Variants in TBC1D5 observed in about 807,000 individuals in gnomAD.
TBC1D5 encodes TBC1 domain family, member 5.
In TBC1D5, 75 loss-of-function variants were observed where a neutral mutation model predicts 100.3. The observed-to-expected ratio is 0.75, with a 90% confidence interval of 0.62 to 0.91. The LOEUF (loss-of-function observed/expected upper bound fraction) is 0.91. TBC1D5 is among the 40% of genes least tolerant of loss of function. TBC1D5 has a pLI of 0.00. For synonymous variants in TBC1D5, 323 were observed against 325.6 expected (o/e 0.99, Z 0.09); for missense variants, 910 against 942.4 (o/e 0.97, Z 0.45).
chr3:17,662,454 G>T (rs1362899289), intron 1 of TBC1D5, among the ~76,000 whole-genome samples: 1 of 152,164 alleles, frequency 6.6e-6, no homozygotes, highest in African/African-American at 2.4e-5. Flanking sequence ...TTCACTGCCT[G>T]ACCATGAACT....
chr3:17,596,929 C>T (rs2060612284), intron 2 of TBC1D5, among the ~76,000 whole-genome samples: 1 of 152,146 alleles, frequency 6.6e-6, no homozygotes, highest in African/African-American at 2.4e-5. Flanking sequence ...TCCCATTAAC[C>T]TGATCTATTG....
intron 9 of TBC1D5, among the ~76,000 whole-genome samples, chr3:17,378,103 T>C (rs1052655682): frequency 6.6e-6 from 1 of 151,640 alleles, no homozygotes; most frequent in African/African-American, 2.4e-5. Context: ...TAGAAAAGTA[T>C]GGAAAAGCAA....
At chr3:17,341,343 G>C (rs6804787) in intron 13 of TBC1D5, among the ~76,000 whole-genome samples, 13,645 of 151,800 alleles carry the variant, frequency 0.09, 1,406 homozygotes, top group African/African-American at 0.25. Flanking sequence ...ACTACAGGCG[G>C]CCGCCACCAC....
chr3:17,629,696 A>G (rs1210868905), intron 1 of TBC1D5, among the ~76,000 whole-genome samples: 1 of 152,216 alleles, frequency 6.6e-6, no homozygotes, highest in Non-Finnish European at 1.5e-5. Flanking sequence ...ACCTTTATAC[A>G]TAAATAATAG....
intron 3 of TBC1D5, among the ~76,000 whole-genome samples, chr3:17,464,850 A>G (rs1283870511): frequency 6.6e-6 from 1 of 150,490 alleles, no homozygotes; most frequent in Non-Finnish European, 1.5e-5. Flanking sequence ...CTATATTTCA[A>G]AAAGTTTTTT....
At chr3:17,333,776 G>A (rs1256226318) in intron 13 of TBC1D5, among the ~76,000 whole-genome samples, 2 of 152,004 alleles carry the variant, frequency 1.3e-5, no homozygotes, top group African/African-American at 4.8e-5. Context: ...AAGAAGTCAG[G>A]AAATATAGTA....
At chr3:17,411,554 A>G (rs764009026) in intron 4 of TBC1D5, among the ~76,000 whole-genome samples, 2 of 152,168 alleles carry the variant, frequency 1.3e-5, no homozygotes, top group African/African-American at 2.4e-5. Context: ...CTGAAAACAC[A>G]AAGTATTCCA....
intron 2 of TBC1D5, among the ~76,000 whole-genome samples, chr3:17,555,158 T>C (rs1482875560): frequency 6.6e-6 from 1 of 152,186 alleles, no homozygotes; most frequent in African/African-American, 2.4e-5. Flanking sequence ...CTTGTGCTTT[T>C]TTTTTTCTAA....
At chr3:17,341,440 C>T (rs1372756900) in intron 13 of TBC1D5, among the ~76,000 whole-genome samples, 2 of 152,180 alleles carry the variant, frequency 1.3e-5, no homozygotes, top group Non-Finnish European at 2.9e-5. Flanking sequence ...TCATGATCCA[C>T]CCACCTCGGC....
Position 17,492,197 on chromosome 3 carries a change from G to C in TBC1D5, c.97+16277C>G, listed in dbSNP as rs142413244. Among the ~76,000 whole-genome samples, 1,068 of 152,102 alleles carry C rather than the reference G, an allele frequency of 7.0e-3. 12 individuals are homozygous for C. The highest frequency in any genetic ancestry group is 0.024 in the African/African-American group (983 of 41,482). On this transcript the variant is annotated intron_variant, in intron 3 of 21. Coordinates refer to ENST00000253692, the Ensembl canonical transcript of TBC1D5. ...TTCTTCTCTATTAGTCTAGCTAGCA[G>C]TCTATCTATTTTATTAATTTTTTCA... is the stretch of plus-strand genomic sequence containing the variant.
rs551243197 is a variant in TBC1D5 at position 17,582,579 on chromosome 3, T to C, written c.-36+41270A>G. Among the ~76,000 whole-genome samples the C allele has an allele frequency of 9.3e-5, 14 of 151,342 alleles. No individual in the cohort carries two copies. In the South Asian group the frequency reaches 2.9e-3, roughly 32 times the overall value. On this transcript the variant is annotated intron_variant, in intron 2 of 21. Coordinates refer to ENST00000253692, the Ensembl canonical transcript of TBC1D5. ...AGGGAAGCTCTGGCTTATATTTAAA[T>C]AGGAGGTTGAGGTTGAGAAATGTCT... is the stretch of plus-strand genomic sequence containing the variant.
chr3:17,183,211 G>A (rs1216644474), intron 19 of TBC1D5, among the ~76,000 whole-genome samples: 1 of 152,122 alleles, frequency 6.6e-6, no homozygotes, highest in Non-Finnish European at 1.5e-5. Flanking sequence ...ATGAAGCCAC[G>A]GACACAGACC....
At chr3:17,209,324 A>AT (rs922307619) in intron 18 of TBC1D5, among the ~76,000 whole-genome samples, 6 of 151,832 alleles carry the variant, frequency 4.0e-5, no homozygotes, top group Admixed American at 6.6e-5. Context: ...TTAAAAACAA[A>AT]TTTTTTTTGT....
At chr3:17,493,336 A>G (rs896818505) in intron 3 of TBC1D5, among the ~76,000 whole-genome samples, 2 of 151,262 alleles carry the variant, frequency 1.3e-5, no homozygotes, top group African/African-American at 4.9e-5. Context: ...TTCCCTTTGT[A>G]GGTGACCTGG....
At chr3:17,518,465 A>C (rs751381201) in intron 2 of TBC1D5, among the ~76,000 whole-genome samples, 1 of 152,218 alleles carries the variant, frequency 6.6e-6, no homozygotes, top group African/African-American at 2.4e-5. Flanking sequence ...AGAATAATCC[A>C]GCTGGAGATG....
At chr3:17,409,006 T>G (rs776980534) in intron 4 of TBC1D5, among the ~76,000 whole-genome samples, 16 of 152,188 alleles carry the variant, frequency 1.1e-4, no homozygotes, top group Non-Finnish European at 2.4e-4. Context: ...TGTTCAAATT[T>G]ATTGTCTAGT....
chr3:17,329,532 A>T (rs1206010933), intron 13 of TBC1D5, among the ~76,000 whole-genome samples: 2 of 108,928 alleles, frequency 1.8e-5, no homozygotes, highest in Non-Finnish European at 3.8e-5. Flanking sequence ...TTTATGGAGG[A>T]TAAAAAATAA....
chr3:17,600,163 G>T (rs1257926913), intron 2 of TBC1D5, among the ~76,000 whole-genome samples: 2 of 152,142 alleles, frequency 1.3e-5, no homozygotes, highest in Non-Finnish European at 2.9e-5. Context: ...ATCTCCAAAT[G>T]AATACGCTCT....
In TBC1D5 at chr3:17,178,723, C is replaced by T. The variant is rs138860882; in HGVS notation, c.1852+6386G>A. Among the ~76,000 whole-genome samples, 18 of 152,174 alleles carry T rather than the reference C, an allele frequency of 1.2e-4. No homozygotes were observed. The East Asian group carries it at 2.5e-3, about 21-fold the overall frequency. ...ACTGGAGTGCAGTGGCATGAGCATC[C>T]GCCACCTCCTGGCACAAGTGATCCT... On this transcript the variant is annotated intron_variant, in intron 19 of 21. Transcript: ENST00000253692.
Sources: gnomAD v4.1 joint callset for allele counts (sites outside exome capture counted in the v4.1 genomes callset) on GRCh38, gnomAD v4.1.1 for gene constraint, MANE v1.5 for transcripts, NCBI Gene and HGNC (gene_info 2026-07-23, HGNC 2026-07-21) for gene names.